The following F13A1 variants were observed in gnomAD, a reference collection of about 807,000 sequenced individuals.
F13A1 encodes the protein FSF, A subunit.
Under a neutral mutation model 80.1 loss-of-function variants are expected in F13A1, and 47 were observed. The observed-to-expected ratio is 0.59, with a 90% CI of 0.46 to 0.75. The LOEUF is 0.75. Among genes scored for constraint, F13A1 ranks in the 30% least tolerant of loss-of-function variants. F13A1 has a pLI of 0.00. For synonymous variants in F13A1, 349 were observed against 344.9 expected, an observed-to-expected ratio of 1.01 and a Z score of -0.13; for missense variants, 817 against 930.4, an observed-to-expected ratio of 0.88 and a Z score of 1.59.
chr6:6,194,652 C>A (rs1163172218), intron 10 of F13A1, among the ~76,000 whole-genome samples: 3 of 152,210 alleles, frequency 2.0e-5, no homozygotes, highest in Non-Finnish European at 2.9e-5. Context: ...ACATGGCCCA[C>A]CTGACAAGTA....
In F13A1 at chr6:6,151,834, C is replaced by A. The variant is rs765709112; in HGVS notation, c.2024G>T (p.Arg675Ile). ...WVHLDGPGVTRPMKKMFREIR... is the reference protein window; with the variant it reads ...WVHLDGPGVTIPMKKMFREIR... ...TTACCGGAACATCTTCTTCATTGGT[C>A]TTGTTACTCCAGGACCATCCAGGTG... The change falls in exon 14 of 15, where the codon AGA becomes ATA. Residue 675 changes from arginine to isoleucine, a missense_variant. Physicochemically the swap from Arg to Ile is moderately conservative, Grantham distance 97. Transcript: ENST00000264870. 1 of 1,614,096 alleles carries A rather than the reference C, an allele frequency of 6.2e-7. No individual in the cohort carries two copies. Among genetic ancestry groups the A allele is most frequent in the East Asian group, 2.2e-5 (1 of 44,876 alleles).
chr6:6,228,881 C>T (rs886965822), intron 6 of F13A1, among the ~76,000 whole-genome samples: 3 of 152,090 alleles, frequency 2.0e-5, no homozygotes, highest in Non-Finnish European at 2.9e-5. Context: ...ACAAGCTGAG[C>T]GTATCCCCCA....
At chr6:6,255,553 G>C (rs180688032) in intron 4 of F13A1, among the ~76,000 whole-genome samples, 29 of 151,860 alleles carry the variant, frequency 1.9e-4, no homozygotes, top group African/African-American at 7.0e-4. Context: ...AATGTGTACT[G>C]AAAGAATGAG....
intron 12 of F13A1, among the ~76,000 whole-genome samples, chr6:6,171,915 T>C (rs1037767088): frequency 2.6e-5 from 4 of 152,212 alleles, no homozygotes; most frequent in Non-Finnish European, 5.9e-5. Flanking sequence ...AGGTCTCTGT[T>C]AAATGTCACC....
chr6:6,309,294 T>C (rs577396519), intron 2 of F13A1, among the ~76,000 whole-genome samples: 2 of 152,108 alleles, frequency 1.3e-5, no homozygotes, highest in East Asian at 1.9e-4. Context: ...GTCAGACATC[T>C]CTGACAAAGG....
intron 13 of F13A1, among the ~76,000 whole-genome samples, chr6:6,161,155 G>T (rs140884888): frequency 1.3e-5 from 2 of 152,200 alleles, no homozygotes; most frequent in East Asian, 3.9e-4. Context: ...GGATCTCCAA[G>T]GCGGGCCTCC....
intron 13 of F13A1, among the ~76,000 whole-genome samples, chr6:6,164,250 C>T (rs750944248): frequency 1.4e-4 from 21 of 152,030 alleles, no homozygotes; most frequent in Admixed American, 2.0e-4. Flanking sequence ...AACGTAATAC[C>T]GCATGTTCTC....
chr6:6,253,711 C>T (rs1272640001), intron 4 of F13A1, among the ~76,000 whole-genome samples: 5 of 152,174 alleles, frequency 3.3e-5, no homozygotes, highest in Non-Finnish European at 2.9e-5. Context: ...TTATAGCTAA[C>T]TGAAACAAAG....
intron 2 of F13A1, among the ~76,000 whole-genome samples, chr6:6,314,806 C>A (rs1225947824): frequency 6.6e-6 from 1 of 152,194 alleles, no homozygotes; most frequent in Non-Finnish European, 1.5e-5. Context: ...GTATATTTTT[C>A]CAGGAACTGA....
intron 10 of F13A1, among the ~76,000 whole-genome samples, chr6:6,195,473 A>T (rs1035716436): frequency 2.0e-5 from 3 of 152,216 alleles, no homozygotes; most frequent in African/African-American, 7.2e-5. Flanking sequence ...ATCTCTTCCA[A>T]TGAGGTTAGT....
At chr6:6,178,482 G>A (rs1029156163) in intron 11 of F13A1, among the ~76,000 whole-genome samples, 4 of 152,078 alleles carry the variant, frequency 2.6e-5, no homozygotes, top group Non-Finnish European at 5.9e-5. Flanking sequence ...AGGGGGAGTG[G>A]GAGAAACGGA....
intron 8 of F13A1, among the ~76,000 whole-genome samples, chr6:6,197,608 A>G (rs968326292): frequency 2.6e-5 from 4 of 151,728 alleles, no homozygotes; most frequent in African/African-American, 9.7e-5. Context: ...AATCTGGGAT[A>G]TGGAGGTTAC....
In F13A1 at chr6:6,250,689, G is replaced by A; in HGVS notation, c.690+122C>T. The A allele has an allele frequency of 4.1e-6, 3 of 736,030 alleles. No individual in the cohort carries two copies. Among genetic ancestry groups the A allele is most frequent in the Non-Finnish European group, 7.3e-6 (3 of 411,800 alleles). The allele number at this position is 736,030 out of a possible 1,614,324, so 45.6% of individuals were successfully genotyped here. A position where few individuals can be genotyped will look rare whatever the true frequency, so the allele number is the denominator to read the frequency against. On this transcript the variant is annotated intron_variant, in intron 5 of 14. Coordinates refer to ENST00000264870, the MANE Select transcript of F13A1 (RefSeq NM_000129.4). This position sits in a 1 kb window ranked among gnomAD's most constrained non-coding sequence, Gnocchi z 4.2. ...CTATGCTCTCTGCCTTGGAGTCTCA[G>A]ATCCTAAAAAGCAGGAAATTGTGCT...
At chr6:6,276,473 C>T (rs188556075) in intron 3 of F13A1, among the ~76,000 whole-genome samples, 4 of 152,302 alleles carry the variant, frequency 2.6e-5, no homozygotes, top group Admixed American at 2.0e-4. Context: ...GTCATTCACT[C>T]GCTTGTGTAC....
intron 4 of F13A1, among the ~76,000 whole-genome samples, chr6:6,251,303 C>A (rs1398263774): frequency 6.6e-6 from 1 of 152,172 alleles, no homozygotes; most frequent in Non-Finnish European, 1.5e-5. Flanking sequence ...TAATTTCCAA[C>A]CTTTTAACAT....
chr6:6,149,270 C>T (rs1021963605), intron 14 of F13A1, among the ~76,000 whole-genome samples: 6 of 152,194 alleles, frequency 3.9e-5, no homozygotes, highest in Non-Finnish European at 5.9e-5. Flanking sequence ...ACACTAAATA[C>T]TCCGATTTGA....
chr6:6,250,260 A>T lies in F13A1; in HGVS notation c.690+551T>A, dbSNP rs1757612031. On this transcript the variant is annotated intron_variant, in intron 5 of 14. Transcript: ENST00000264870. The surrounding 1 kb of genome is among the most constrained non-coding windows in gnomAD (Gnocchi z 4.2). The stretch of plus-strand genomic sequence containing the variant: ...ATACCAAACTGAAATAGTTTGAATG[A>T]CTGAACATCTTAAAGAAATGCCATT... 6.6e-6 allele frequency among the ~76,000 whole-genome samples: 1 copy of T among 152,210 alleles called. No homozygotes were observed. Among genetic ancestry groups the T allele is most frequent in the Admixed American group, 6.5e-5 (1 of 15,278 alleles).
chr6:6,176,163 G>GA (rs11322886), intron 11 of F13A1, among the ~76,000 whole-genome samples: 14 of 151,038 alleles, frequency 9.3e-5, no homozygotes, highest in East Asian at 1.9e-4. Flanking sequence ...AATGGCTAGT[G>GA]AAAAAAAAAT....
intron 3 of F13A1, among the ~76,000 whole-genome samples, chr6:6,284,350 C>T (rs972689649): frequency 7.2e-5 from 11 of 152,024 alleles, no homozygotes; most frequent in Non-Finnish European, 1.5e-4. Flanking sequence ...CATTTTCTAT[C>T]ACTTAGAAAT....
Sources: gnomAD v4.1 joint callset for allele counts (sites outside exome capture counted in the v4.1 genomes callset) on GRCh38, gnomAD v4.1.1 for gene constraint, Gnocchi (gnomAD v3.1) non-coding constraint, MANE v1.5 for transcripts, NCBI Gene and HGNC (gene_info 2026-07-23, HGNC 2026-07-21) for gene names.